RAP1A: variants seen among roughly 807,000 people sequenced by gnomAD.
RAP1A encodes RAP1A, member of RAS oncogene family.
In RAP1A, 6 loss-of-function variants were observed where a neutral mutation model predicts 26.4. The observed-to-expected ratio is 0.23, with a 90% CI of 0.12 to 0.45. The LOEUF is 0.45. RAP1A is among the 20% of genes least tolerant of loss of function. The pLI, the probability that RAP1A is intolerant of heterozygous loss-of-function variation, is 0.99. For synonymous variants in RAP1A, 73 were observed against 79.4 expected, an observed-to-expected ratio of 0.92 and a Z score of 0.43; for missense variants, 121 against 217.2, an observed-to-expected ratio of 0.56 and a Z score of 2.78.
intron 1 of RAP1A, among the ~76,000 whole-genome samples, chr1:111,621,663 A>G (rs1197483795): frequency 6.6e-6 from 1 of 152,224 alleles, no homozygotes. Context: ...AGTAATTCTT[A>G]ACCTTTTCTA....
chr1:111,588,572 G>A (rs1658421638), intron 1 of RAP1A, among the ~76,000 whole-genome samples: 1 of 152,066 alleles, frequency 6.6e-6, no homozygotes, highest in Non-Finnish European at 1.5e-5. Context: ...CCTGTTTTCT[G>A]ATCACACTTG....
intron 1 of RAP1A, among the ~76,000 whole-genome samples, chr1:111,623,184 AT>A (rs34037836): frequency 0.87 from 126,745 of 146,440 alleles, 54,947 homozygotes; most frequent in African/African-American, 0.93. Flanking sequence ...CGCCCAGATA[AT>A]TTTTTTTTTT....
At chr1:111,632,146 A>G (rs1659585578) in intron 1 of RAP1A, among the ~76,000 whole-genome samples, 1 of 151,810 alleles carries the variant, frequency 6.6e-6, no homozygotes, top group South Asian at 2.1e-4. Flanking sequence ...CTATTAGAAT[A>G]TCAAAGTGTG....
Position 111,697,460 on chromosome 1 carries a change from A to T in RAP1A, c.146A>T (p.Gln49Leu). The T allele has an allele frequency of 6.2e-7, 1 of 1,612,592 alleles. No individual in the cohort carries two copies. Among genetic ancestry groups the T allele is most frequent in the Non-Finnish European group, 8.5e-7 (1 of 1,179,554 alleles). Residue 49 changes from glutamine to leucine, a missense_variant, in exon 4 of 8, where the codon CAA becomes CTA. Coordinates refer to ENST00000369709, the MANE Select transcript of RAP1A (RefSeq NM_002884.4). ...CCACAGCAAGTTGAAGTCGATTGCC[A>T]ACAGTGTATGCTCGAAATCCTGGAT... ...SYRKQVEVDC[Q>L]QCMLEILDTA...
At chr1:111,644,450 C>T (rs534716593) in intron 1 of RAP1A, among the ~76,000 whole-genome samples, 19 of 152,188 alleles carry the variant, frequency 1.2e-4, no homozygotes, top group South Asian at 4.2e-4. Context: ...TTCAGCTTCC[C>T]GGGAAACTCA....
Position 111,607,869 on chromosome 1 carries a change from A to ACC in RAP1A, c.-28+65367_-28+65368dup, listed in dbSNP as rs549767191. 1.3e-3 allele frequency among the ~76,000 whole-genome samples: 65 copies of ACC among 50,886 alleles called. 3 individuals are homozygous for ACC. Among genetic ancestry groups the ACC allele is most frequent in the Non-Finnish European group, 1.5e-3 (41 of 27,052 alleles). 33.4% of individuals were successfully genotyped at this position (50,886 alleles called of 152,430 possible). A position where few individuals can be genotyped will look rare whatever the true frequency, so the allele number is the denominator to read the frequency against. ...GGGGCGGCTGGCCGGGCGGGGCCTG[A>ACC]CCCCCCCCACCTCCCTCCCGGACGG... is the stretch of plus-strand genomic sequence containing the variant. On this transcript the variant is annotated intron_variant, in intron 1 of 7. Transcript: ENST00000356415.
intron 1 of RAP1A, among the ~76,000 whole-genome samples, chr1:111,688,384 A>T (rs927250039): frequency 2.0e-5 from 3 of 148,410 alleles, no homozygotes; most frequent in African/African-American, 7.5e-5. Context: ...CTGTGGTGCA[A>T]TCTCGGCTCA....
In RAP1A at chr1:111,589,012, A is replaced by G. The variant is rs550857048; in HGVS notation, c.-28+46503A>G. 5.3e-5 allele frequency among the ~76,000 whole-genome samples: 8 copies of G among 152,344 alleles called. No homozygotes were observed. The South Asian group carries it at 1.7e-3, about 32-fold the overall frequency. The stretch of plus-strand genomic sequence containing the variant: ...TAGTGATAACAGTGAAAGAACTGTA[A>G]AAGAAGTGCTTTATTATAATTAGAT... On this transcript the variant is annotated intron_variant, in intron 1 of 7. Coordinates refer to the RAP1A transcript ENST00000356415.
chr1:111,564,106 A>C, intron 1 of RAP1A: 1 of 550,736 alleles, frequency 1.8e-6, no homozygotes, highest in East Asian at 2.9e-5. Context: ...CCTAAAACTC[A>C]TGACTATCTT....
upstream of RAP1A, among the ~76,000 whole-genome samples, chr1:111,618,233 C>A (rs528648324): frequency 6.6e-6 from 1 of 152,312 alleles, no homozygotes; most frequent in African/African-American, 2.4e-5. Context: ...ATCAGACTTT[C>A]TCCCCTATGA....
chr1:111,613,278 C>G (rs1205392530), intron 1 of RAP1A, among the ~76,000 whole-genome samples: 2 of 151,946 alleles, frequency 1.3e-5, no homozygotes, highest in Non-Finnish European at 2.9e-5. Flanking sequence ...CGGCCCACTG[C>G]AAGCTCCGCC....
At chr1:111,689,656 A>G (rs2101239853) in intron 1 of RAP1A, among the ~76,000 whole-genome samples, 1 of 151,404 alleles carries the variant, frequency 6.6e-6, no homozygotes. Flanking sequence ...CAGCTGATTT[A>G]TTTCACTCTG....
intron 1 of RAP1A, among the ~76,000 whole-genome samples, chr1:111,671,170 G>A (rs1205401687): frequency 6.6e-6 from 1 of 152,176 alleles, no homozygotes; most frequent in African/African-American, 2.4e-5. Context: ...GCTGGCTGGA[G>A]TACAGTGGTA....
At position 111,714,992 on chromosome 1, in the gene RAP1A, C is replaced by G. The variant is rs1662492763; in HGVS notation, c.*2591C>G. Reference sequence around the variant, plus strand: ...GTTTGCTCTAATGGCTTGGTGGTATCCCTGAACAGTCTACTTTTAGAAATT... The same window carrying G: ...GTTTGCTCTAATGGCTTGGTGGTATGCCTGAACAGTCTACTTTTAGAAATT... On this transcript the variant is annotated 3_prime_UTR_variant, in exon 8 of 8. Coordinates refer to ENST00000369709, the MANE Select transcript of RAP1A (RefSeq NM_002884.4). The G allele has an allele frequency of 6.6e-6, 1 of 152,114 alleles. No homozygotes were observed. Among genetic ancestry groups the G allele is most frequent in the Admixed American group, 6.5e-5 (1 of 15,282 alleles). The allele number at this position is 152,114 out of a possible 1,614,324, so 9.4% of individuals were successfully genotyped here. A position where few individuals can be genotyped will look rare whatever the true frequency, so the allele number is the denominator to read the frequency against.
upstream of RAP1A, chr1:111,619,678 G>A (rs777016036): frequency 4.9e-4 from 190 of 391,526 alleles, no homozygotes; most frequent in Non-Finnish European, 7.0e-4. Context: ...ACTCCGGAAC[G>A]CCGTGGGGAA....
chr1:111,581,079 CT>C (rs1658249520), intron 1 of RAP1A, among the ~76,000 whole-genome samples: 1 of 98,622 alleles, frequency 1.0e-5, no homozygotes, highest in Non-Finnish European at 2.7e-5. Context: ...TCAGTGGGAG[CT>C]TTGCCTGGGC....
rs545666802 is a variant in RAP1A, at chr1:111,554,920, G to A, written c.-28+12411G>A. On this transcript the variant is annotated intron_variant, in intron 1 of 7. Transcript: ENST00000356415. ...AAGGAAACAAAATTCCCTGAGTAAG[G>A]GACAGCAGAAACACCATGTAAGGAA... 3.3e-5 allele frequency among the ~76,000 whole-genome samples: 5 copies of A among 151,742 alleles called. No homozygotes were observed. In the South Asian group the frequency reaches 8.4e-4, roughly 26 times the overall value.
intron 1 of RAP1A, among the ~76,000 whole-genome samples, chr1:111,631,390 G>A (rs1659563476): frequency 6.6e-6 from 1 of 152,104 alleles, no homozygotes; most frequent in African/African-American, 2.4e-5. Flanking sequence ...TATCTGTAAT[G>A]GACCTACAGG....
At chr1:111,601,278 A>G (rs1054988069) in intron 1 of RAP1A, among the ~76,000 whole-genome samples, 2 of 152,108 alleles carry the variant, frequency 1.3e-5, no homozygotes, top group Non-Finnish European at 2.9e-5. Context: ...AACCACACCG[A>G]TTGTCCTGGG....
Sources: gnomAD v4.1 joint callset for allele counts (sites outside exome capture counted in the v4.1 genomes callset) on GRCh38, gnomAD v4.1.1 for gene constraint, MANE v1.5 for transcripts, NCBI Gene and HGNC (gene_info 2026-07-23, HGNC 2026-07-21) for gene names.